The following PDSS2 variants were observed in gnomAD, a reference collection of about 807,000 sequenced individuals.
PDSS2 encodes decaprenyl diphosphate synthase subunit 2, also known as all trans-polyprenyl-diphosphate synthase PDSS2.
PDSS2 carries 31 observed loss-of-function variants against 44.5 expected under a neutral mutation model. The observed-to-expected ratio is 0.70, with a 90% CI of 0.52 to 0.94. The LOEUF is 0.94. Among genes scored for constraint, PDSS2 ranks in the 40% least tolerant of loss-of-function variants. The pLI is 0.00. For missense variants in PDSS2, 452 were observed against 482.2 expected, an observed-to-expected ratio of 0.94 and a Z score of 0.59; for synonymous variants, 157 against 180.3, an observed-to-expected ratio of 0.87 and a Z score of 1.03.
chr6:107,457,415 AAAC>A (rs1391261687), intron 1 of PDSS2, among the ~76,000 whole-genome samples: 3 of 152,274 alleles, frequency 2.0e-5, no homozygotes, highest in Non-Finnish European at 4.4e-5. Context: ...TTACTTTTAA[AAAC>A]AACAATAGAA....
chr6:107,297,459 T>TGCAACCTCCGCCTCCCA, intron 2 of PDSS2, among the ~76,000 whole-genome samples: 1 of 151,658 alleles, frequency 6.6e-6, no homozygotes, highest in South Asian at 2.1e-4. Flanking sequence ...CTCGGCTCCC[T>TGCAACCTCCGCCTCCCA]GCAACCTCCG....
At chr6:107,403,293 G>C (rs1295296833) in intron 1 of PDSS2, among the ~76,000 whole-genome samples, 1 of 152,124 alleles carries the variant, frequency 6.6e-6, no homozygotes, top group Non-Finnish European at 1.5e-5. Flanking sequence ...AGGTCACGCT[G>C]ATATAAGAGG....
At chr6:107,390,358 GA>G (rs959343782) in intron 1 of PDSS2, among the ~76,000 whole-genome samples, 16 of 152,172 alleles carry the variant, frequency 1.1e-4, no homozygotes, top group Admixed American at 7.2e-4. Flanking sequence ...GTATCATTCT[GA>G]AAAACCATAA....
At chr6:107,360,737 G>T (rs964506450) in intron 1 of PDSS2, among the ~76,000 whole-genome samples, 3 of 152,118 alleles carry the variant, frequency 2.0e-5, no homozygotes, top group African/African-American at 7.2e-5. Context: ...AGAAGAGAGC[G>T]GTCTGTGTTT....
At chr6:107,427,224 G>T (rs1781033464) in intron 1 of PDSS2, among the ~76,000 whole-genome samples, 1 of 152,044 alleles carries the variant, frequency 6.6e-6, no homozygotes, top group African/African-American at 2.4e-5. Flanking sequence ...TTTAAAAACG[G>T]GAGTTTACCT....
At chr6:107,219,058 CA>C (rs1314757409) in intron 4 of PDSS2, among the ~76,000 whole-genome samples, 1,312 of 118,998 alleles carry the variant, frequency 0.011, 12 homozygotes, top group African/African-American at 0.032. Context: ...AACTCTGTCT[CA>C]AAAAAAAAAA....
chr6:107,394,959 T>C (rs1476243668), intron 1 of PDSS2, among the ~76,000 whole-genome samples: 5 of 152,202 alleles, frequency 3.3e-5, no homozygotes, highest in African/African-American at 4.8e-5. Flanking sequence ...TGAAGAACAA[T>C]GTTTAACATT....
chr6:107,419,284 T>C (rs1053412534), intron 1 of PDSS2, among the ~76,000 whole-genome samples: 6 of 152,212 alleles, frequency 3.9e-5, no homozygotes, highest in Non-Finnish European at 8.8e-5. Context: ...TCAGTGATAG[T>C]CTATATTAGT....
chr6:107,300,797 G>A (rs186989814), intron 2 of PDSS2, among the ~76,000 whole-genome samples: 8 of 152,094 alleles, frequency 5.3e-5, no homozygotes, highest in Non-Finnish European at 1.0e-4. Flanking sequence ...ACACACACAC[G>A]TGCATAAACA....
intron 1 of PDSS2, among the ~76,000 whole-genome samples, chr6:107,379,498 T>C (rs1779391688): frequency 6.6e-6 from 1 of 152,238 alleles, no homozygotes; most frequent in African/African-American, 2.4e-5. Flanking sequence ...CTGAGAGTGA[T>C]GAGTTAAAGT....
intron 3 of PDSS2, among the ~76,000 whole-genome samples, chr6:107,258,551 C>T (rs1371770137): frequency 6.6e-6 from 1 of 152,132 alleles, no homozygotes; most frequent in East Asian, 1.9e-4. Flanking sequence ...CCTGTAATCC[C>T]AGCACTTTGG....
chr6:107,415,653 C>G (rs1160828820), intron 1 of PDSS2, among the ~76,000 whole-genome samples: 1 of 152,144 alleles, frequency 6.6e-6, no homozygotes, highest in Non-Finnish European at 1.5e-5. Context: ...TTAAGTTGTT[C>G]TACAGTTTTG....
intron 7 of PDSS2, among the ~76,000 whole-genome samples, chr6:107,191,905 C>T (rs1772394964): frequency 6.6e-6 from 1 of 152,158 alleles, no homozygotes; most frequent in African/African-American, 2.4e-5. Context: ...AGCCACTGCA[C>T]CTGGCCTTAG....
At chr6:107,265,963 C>T (rs1460146431) in intron 3 of PDSS2, among the ~76,000 whole-genome samples, 2 of 152,024 alleles carry the variant, frequency 1.3e-5, no homozygotes, top group Non-Finnish European at 2.9e-5. Flanking sequence ...ACAAACAAAA[C>T]GCAAAAAACT....
chr6:107,159,311 G>A (rs1435242827), intron 7 of PDSS2, among the ~76,000 whole-genome samples: 8 of 137,634 alleles, frequency 5.8e-5, no homozygotes, highest in East Asian at 2.2e-4. Flanking sequence ...GGAGGGAGGC[G>A]GAAGGGAGGG....
intron 2 of PDSS2, 82 bp downstream of exon 2, chr6:107,334,116 G>T: frequency 8.5e-7 from 1 of 1,182,564 alleles, no homozygotes. Context: ...GAATGACAAA[G>T]AATGGTGATT....
chr6:107,427,859 C>T lies in PDSS2; in HGVS notation c.296+31131G>A, dbSNP rs552687273. Among the ~76,000 whole-genome samples, 3 of 152,248 alleles carry T rather than the reference C, an allele frequency of 2.0e-5. No homozygotes were observed. In the East Asian group the frequency reaches 5.8e-4, roughly 29 times the overall value. On this transcript the variant is annotated intron_variant, in intron 1 of 7. Transcript: ENST00000369037. ...CTACGTCTACATTATTTCTACAAATCCCAACCATATCAAACTGGAGTTGCT... is the reference window on the plus strand; with the variant it reads ...CTACGTCTACATTATTTCTACAAATTCCAACCATATCAAACTGGAGTTGCT...
chr6:107,435,325 C>G (rs1382612861), intron 1 of PDSS2, among the ~76,000 whole-genome samples: 1 of 130,704 alleles, frequency 7.7e-6, no homozygotes, highest in Admixed American at 7.7e-5. Context: ...CACACACACA[C>G]ACACACGATT....
At chr6:107,433,594 C>T (rs747870642) in intron 1 of PDSS2, among the ~76,000 whole-genome samples, 10 of 152,152 alleles carry the variant, frequency 6.6e-5, no homozygotes, top group Non-Finnish European at 1.5e-4. Context: ...AGACCTTTAT[C>T]TCTCACTATA....
Sources: gnomAD v4.1 joint callset for allele counts (sites outside exome capture counted in the v4.1 genomes callset) on GRCh38, gnomAD v4.1.1 for gene constraint, MANE v1.5 for transcripts, NCBI Gene and HGNC (gene_info 2026-07-23, HGNC 2026-07-21) for gene names.